SYNDIG1L: variants seen among roughly 807,000 people sequenced by gnomAD.
SYNDIG1L encodes the protein synapse differentiation-inducing gene protein 1-like.
In SYNDIG1L, 13 loss-of-function variants were observed where a neutral mutation model predicts 20.1. The ratio of observed to expected loss-of-function variants is 0.65; its 90% CI spans 0.42 to 1.03. SYNDIG1L has a LOEUF of 1.03. Ranked by LOEUF, SYNDIG1L falls within the 50% of genes least tolerant of loss-of-function variation. The probability of loss-of-function intolerance (pLI) is 0.00; values close to 1 mark genes in which losing one functional copy is unlikely to be tolerated. For synonymous variants in SYNDIG1L, 128 were observed against 129.3 expected (o/e 0.99, Z 0.07); for missense variants, 294 against 305.1 (o/e 0.96, Z 0.27).
intron 1 of SYNDIG1L, among the ~76,000 whole-genome samples, chr14:74,416,070 G>C (rs943869141): frequency 6.6e-5 from 10 of 152,128 alleles, no homozygotes; most frequent in Admixed American, 3.9e-4. Flanking sequence ...CTCAGGGCTG[G>C]GGGGAGAGGA....
Position 74,407,981 on chromosome 14 carries a change from G to A in SYNDIG1L, c.426C>T (p.Ala142=). The A allele has an allele frequency of 6.2e-7, 1 of 1,610,222 alleles. No homozygotes were observed. ...EDDQEEEESD[A]TSTESESEDN... is the part of the protein sequence containing the mutation. ...CTTCACTTTCACTCTCCGTTGAAGT[G>A]GCATCGCTCTGCAAAACAGTGGAGT... Residue 142 remains alanine, a synonymous_variant, in exon 3 of 4, where the codon GCC becomes GCT. Coordinates refer to ENST00000331628, the MANE Select transcript of SYNDIG1L (RefSeq NM_001105579.2).
upstream of SYNDIG1L, among the ~76,000 whole-genome samples, chr14:74,428,859 C>A (rs954097370): frequency 7.9e-5 from 12 of 152,208 alleles, no homozygotes; most frequent in South Asian, 2.1e-4. Flanking sequence ...TGGGTGAAAA[C>A]AGAGAGGAGA....
chr14:74,407,581 A>G lies in SYNDIG1L; in HGVS notation c.671T>C (p.Val224Ala). The G allele has an allele frequency of 6.2e-7, 1 of 1,614,062 alleles. No individual in the cohort carries two copies. The highest frequency in any genetic ancestry group is 1.1e-5 in the South Asian group (1 of 91,084). ...IAVGAGLYVA[V>A]VVALAAYMSQ... ...CATGTAAGCTGCCAGAGCCACCACC[A>G]CAGCCACGTAGAGACCGGCCCCCAC... The change falls in exon 4 of 4, where the codon GTG (valine) becomes GCG (alanine). Residue 224 changes from valine to alanine, a missense_variant. Coordinates refer to ENST00000331628, the MANE Select transcript of SYNDIG1L (RefSeq NM_001105579.2).
the SYNDIG1L span, among the ~76,000 whole-genome samples, chr14:74,454,178 T>C: frequency 6.6e-6 from 1 of 152,214 alleles, no homozygotes; most frequent in Admixed American, 6.5e-5. Context: ...ATCTTCACTG[T>C]TTTCCAAATT....
chr14:74,458,486 G>A, the SYNDIG1L span, among the ~76,000 whole-genome samples: 1 of 151,986 alleles, frequency 6.6e-6, no homozygotes, highest in Non-Finnish European at 1.5e-5. Flanking sequence ...GCTGGGCGTG[G>A]TGGCAGGTGC....
intron 1 of SYNDIG1L, among the ~76,000 whole-genome samples, chr14:74,412,627 A>G (rs2086140628): frequency 6.6e-6 from 1 of 152,164 alleles, no homozygotes; most frequent in African/African-American, 2.4e-5. Flanking sequence ...TGAGGGGCAC[A>G]GTCATCCCCT....
At chr14:74,427,272 G>T (rs540825697), upstream of SYNDIG1L, among the ~76,000 whole-genome samples, 13 of 152,048 alleles carry the variant, frequency 8.5e-5, no homozygotes, top group Non-Finnish European at 1.3e-4. Context: ...GGTAAGTGTG[G>T]GTTTGCAAAG....
chr14:74,414,249 C>CGT (rs987188595), intron 1 of SYNDIG1L, among the ~76,000 whole-genome samples: 3 of 152,124 alleles, frequency 2.0e-5, no homozygotes, highest in African/African-American at 7.2e-5. Flanking sequence ...TGCACGCACA[C>CGT]GTGTGTGTGT....
the SYNDIG1L span, among the ~76,000 whole-genome samples, chr14:74,464,934 C>T: frequency 1.8e-4 from 27 of 152,320 alleles, no homozygotes; most frequent in East Asian, 5.8e-4. Flanking sequence ...CCCCAGCCCC[C>T]GCACCCCACC....
chr14:74,422,150 C>T (rs758994179), intron 1 of SYNDIG1L, among the ~76,000 whole-genome samples: 100 of 152,286 alleles, frequency 6.6e-4, no homozygotes, highest in Non-Finnish European at 1.2e-3. Flanking sequence ...CATCTAATGG[C>T]GGAAGATAAC....
chr14:74,453,769 A>G, the SYNDIG1L span, among the ~76,000 whole-genome samples: 8 of 152,156 alleles, frequency 5.3e-5, no homozygotes, highest in African/African-American at 1.7e-4. Flanking sequence ...CCTGGCCAAC[A>G]TGGTGAAACT....
the SYNDIG1L span, among the ~76,000 whole-genome samples, chr14:74,438,490 C>T: frequency 6.6e-6 from 1 of 152,152 alleles, no homozygotes; most frequent in Non-Finnish European, 1.5e-5. Context: ...ATTTCTCAAA[C>T]TCACCCCACC....
At chr14:74,410,417 T>C (rs886875439) in intron 1 of SYNDIG1L, among the ~76,000 whole-genome samples, 1 of 151,734 alleles carries the variant, frequency 6.6e-6, no homozygotes, top group Non-Finnish European at 1.5e-5. Flanking sequence ...CAGATGGAGG[T>C]GTGCGATGGG....
the SYNDIG1L span, chr14:74,479,362 G>T: frequency 6.6e-6 from 1 of 152,168 alleles, no homozygotes; most frequent in African/African-American, 2.4e-5. Flanking sequence ...CCCTAACAAT[G>T]GATGACCTAA....
In SYNDIG1L at chr14:74,426,146, CG is replaced by C. The variant is rs1327145843; in HGVS notation, c.-293del. The C allele has an allele frequency of 4.7e-5, 7 of 147,916 alleles. No individual in the cohort carries two copies. Among genetic ancestry groups the C allele is most frequent in the African/African-American group, 1.7e-4 (7 of 40,672 alleles). 9.2% of individuals were successfully genotyped at this position (147,916 alleles called of 1,614,324 possible). On this transcript the variant is annotated 5_prime_UTR_variant, in exon 1 of 4. Transcript: ENST00000331628. ...GGTCCCGGGAGCCCCGCATCCTGGC[CG>C]GGCCCCGCCGCCGCCGCCGCCGCGC... is the stretch of plus-strand genomic sequence containing the variant.
the SYNDIG1L span, among the ~76,000 whole-genome samples, chr14:74,473,621 T>C: frequency 1.3e-5 from 2 of 152,194 alleles, no homozygotes; most frequent in African/African-American, 4.8e-5. Context: ...CCCACTGGAT[T>C]GCAGTGATGG....
At chr14:74,408,068 C>T in intron 2 of SYNDIG1L, 79 bp from the exon 3 acceptor site, 1 of 1,496,030 alleles carries the variant, frequency 6.7e-7, no homozygotes, top group Non-Finnish European at 8.9e-7. Context: ...TTTTAAAAGG[C>T]AATGCCCAGT....
At chr14:74,439,215 G>A in the SYNDIG1L span, among the ~76,000 whole-genome samples, 1 of 151,052 alleles carries the variant, frequency 6.6e-6, no homozygotes, top group Non-Finnish European at 1.5e-5. Flanking sequence ...CTGGCTTCCT[G>A]TAATAACTCG....
chr14:74,421,575 A>G (rs946241940), intron 1 of SYNDIG1L, among the ~76,000 whole-genome samples: 1 of 152,220 alleles, frequency 6.6e-6, no homozygotes, highest in Non-Finnish European at 1.5e-5. Context: ...GAAAAATGAG[A>G]CATACAGACA....
Sources: gnomAD v4.1 joint callset for allele counts (sites outside exome capture counted in the v4.1 genomes callset) on GRCh38, gnomAD v4.1.1 for gene constraint, MANE v1.5 for transcripts, NCBI Gene and HGNC (gene_info 2026-07-23, HGNC 2026-07-21) for gene names.